The following CNBD1 variants were observed in gnomAD, a reference collection of about 807,000 sequenced individuals.
The protein encoded by CNBD1 is cyclic nucleotide-binding domain-containing protein 1.
In CNBD1, 71 loss-of-function variants were observed where a neutral mutation model predicts 54.4. The observed-to-expected ratio is 1.30, with a 90% CI of 1.08 to 1.59. The LOEUF is 1.59. Ranked by LOEUF, CNBD1 falls within the 40% of genes most tolerant of loss-of-function variation. CNBD1 has a pLI of 0.00. For synonymous variants in CNBD1, 182 were observed against 170.7 expected (o/e 1.07, Z -0.51); for missense variants, 659 against 518.0 (o/e 1.27, Z -2.64).
At chr8:87,389,719 A>G (rs1478170808) in intron 2 of CNBD1, among the ~76,000 whole-genome samples, 1 of 152,184 alleles carries the variant, frequency 6.6e-6, no homozygotes, top group Admixed American at 6.5e-5. Context: ...TCAAGATACC[A>G]ATGACTTTCT....
chr8:87,346,507 G>A (rs1441257132), intron 8 of CNBD1, among the ~76,000 whole-genome samples: 1 of 151,728 alleles, frequency 6.6e-6, no homozygotes, highest in Non-Finnish European at 1.5e-5. Flanking sequence ...CATAAGTGTA[G>A]TCTTATATTT....
chr8:87,379,029 G>C, intron 10 of CNBD1, among the ~76,000 whole-genome samples: 1 of 150,380 alleles, frequency 6.6e-6, no homozygotes, highest in Non-Finnish European at 1.5e-5. Flanking sequence ...TGCTGAAGTT[G>C]CTTATCAGCT....
intron 8 of CNBD1, among the ~76,000 whole-genome samples, chr8:87,349,210 C>A (rs1810233335): frequency 6.6e-6 from 1 of 151,972 alleles, no homozygotes. Flanking sequence ...GAAAGGGTAT[C>A]CAAACAACAT....
At chr8:87,087,738 T>C (rs968053405) in intron 4 of CNBD1, among the ~76,000 whole-genome samples, 2 of 152,136 alleles carry the variant, frequency 1.3e-5, no homozygotes, top group Non-Finnish European at 2.9e-5. Flanking sequence ...AGTGCTGGGA[T>C]TACAGGCGTG....
chr8:87,038,202 C>T (rs1014144838), intron 4 of CNBD1, among the ~76,000 whole-genome samples: 20 of 152,228 alleles, frequency 1.3e-4, no homozygotes, highest in African/African-American at 4.6e-4. Flanking sequence ...TGGAGGGGGA[C>T]TTTAGAGAAC....
intron 8 of CNBD1, among the ~76,000 whole-genome samples, chr8:87,311,624 T>C (rs1411006352): frequency 6.6e-6 from 1 of 152,106 alleles, no homozygotes; most frequent in Non-Finnish European, 1.5e-5. Flanking sequence ...TAAATCCTTT[T>C]AGCAAAAGGA....
intron 4 of CNBD1, among the ~76,000 whole-genome samples, chr8:87,188,825 T>C (rs1340044901): frequency 6.6e-6 from 1 of 150,678 alleles, no homozygotes; most frequent in Non-Finnish European, 1.5e-5. Context: ...AGCGTCTTTT[T>C]TTTTTTTTTT....
chr8:86,975,367 T>C (rs542308046), intron 4 of CNBD1, among the ~76,000 whole-genome samples: 31 of 152,122 alleles, frequency 2.0e-4, no homozygotes, highest in African/African-American at 5.8e-4. Context: ...TCAACATCTC[T>C]TCCTGTCTAC....
chr8:86,974,944 A>C (rs1382963127), intron 4 of CNBD1, among the ~76,000 whole-genome samples: 1 of 152,004 alleles, frequency 6.6e-6, no homozygotes, highest in Non-Finnish European at 1.5e-5. Flanking sequence ...TCCCATTTAC[A>C]AATGCAAACA....
intron 4 of CNBD1, among the ~76,000 whole-genome samples, chr8:87,135,510 C>T (rs1022728662): frequency 1.3e-5 from 2 of 149,946 alleles, no homozygotes; most frequent in Non-Finnish European, 3.0e-5. Flanking sequence ...CTCATCTTTG[C>T]CTAATAAAGC....
At chr8:86,942,706 G>A (rs944986267) in intron 4 of CNBD1, among the ~76,000 whole-genome samples, 1 of 152,192 alleles carries the variant, frequency 6.6e-6, no homozygotes, top group Admixed American at 6.5e-5. Context: ...ATCCCATCGG[G>A]TTTTGCAGTA....
rs534399473 is a variant in CNBD1, at chr8:87,153,233, G to A, written c.432-52760G>A. On this transcript the variant is annotated intron_variant, in intron 4 of 10. Coordinates refer to ENST00000518476, the MANE Select transcript of CNBD1 (RefSeq NM_173538.3). ...AGCACTTTACTAGTCTCTTGGGAAA[G>A]AAAATTGCATATTGTGTCTGTAATT... Among the ~76,000 whole-genome samples, 4 of 152,138 alleles carry A rather than the reference G, an allele frequency of 2.6e-5. No homozygotes were observed. The East Asian group carries it at 7.7e-4, about 29-fold the overall frequency.
At chr8:87,029,737 G>A (rs1809739649) in intron 4 of CNBD1, among the ~76,000 whole-genome samples, 1 of 151,816 alleles carries the variant, frequency 6.6e-6, no homozygotes, top group African/African-American at 2.4e-5. Context: ...TGGATCACTG[G>A]GAGAAAAGAT....
chr8:87,269,838 A>G (rs971577858), intron 6 of CNBD1, among the ~76,000 whole-genome samples: 15 of 152,054 alleles, frequency 9.9e-5, no homozygotes, highest in African/African-American at 2.9e-4. Flanking sequence ...CCAGACATAT[A>G]AAGTAGAGCT....
chr8:87,406,463 C>A (rs1296314257), intron 2 of CNBD1, among the ~76,000 whole-genome samples: 1 of 137,494 alleles, frequency 7.3e-6, no homozygotes, highest in African/African-American at 3.2e-5. Flanking sequence ...CACACACACA[C>A]ACACACACAC....
At chr8:87,247,151 G>A (rs539809116) in intron 6 of CNBD1, among the ~76,000 whole-genome samples, 5 of 152,240 alleles carry the variant, frequency 3.3e-5, no homozygotes, top group Admixed American at 6.5e-5. Flanking sequence ...CAGAACATAT[G>A]GGGATTTGAA....
Position 87,015,934 on chromosome 8 carries a change from T to C in CNBD1, c.431+76180T>C, listed in dbSNP as rs927343574. Among the ~76,000 whole-genome samples, 20 of 136,320 alleles carry C rather than the reference T, an allele frequency of 1.5e-4. 1 individual carries two copies. The highest frequency in any genetic ancestry group is 5.1e-4 in the African/African-American group (18 of 35,058). 89.4% of individuals were successfully genotyped at this position (136,320 alleles called of 152,430 possible). On this transcript the variant is annotated intron_variant, in intron 4 of 10. Transcript: ENST00000518476. ...AGGCAGAGGTTGCAGCAAGCTGAGA[T>C]TGTAACACTGCACTTAGCCTGGGAA...
chr8:87,425,113 C>G (rs1025313108), intron 2 of CNBD1, among the ~76,000 whole-genome samples: 1 of 152,054 alleles, frequency 6.6e-6, no homozygotes. Context: ...TTGATCGCAT[C>G]GGCTCCTGAG....
At chr8:87,374,663 T>C (rs867160392) in intron 10 of CNBD1, among the ~76,000 whole-genome samples, 8 of 151,768 alleles carry the variant, frequency 5.3e-5, no homozygotes, top group Admixed American at 2.0e-4. Flanking sequence ...GTTAATAGAA[T>C]AGAGGGAACA....
Sources: allele counts gnomAD v4.1 joint callset (sites outside exome capture counted in the v4.1 genomes callset), GRCh38; gene constraint gnomAD v4.1.1; transcripts MANE v1.5; gene names NCBI Gene and HGNC (gene_info 2026-07-23, HGNC 2026-07-21).